The following IFT80 variants were observed in gnomAD, a reference collection of about 807,000 sequenced individuals.
IFT80 encodes the protein intraflagellar transport 80, also known as intraflagellar transport protein 80 homolog.
A neutral mutation model predicts 107.9 loss-of-function variants in IFT80; 79 were observed. The observed-to-expected ratio is 0.73, with a 90% CI of 0.61 to 0.88. The LOEUF (loss-of-function observed/expected upper bound fraction) is 0.88. Among genes scored for constraint, IFT80 ranks in the 40% least tolerant of loss-of-function variants. The pLI, the probability that IFT80 is intolerant of heterozygous loss-of-function variation, is 0.00. For synonymous variants in IFT80, 299 were observed against 300.9 expected (o/e 0.99, Z 0.07); for missense variants, 797 against 914.2 (o/e 0.87, Z 1.65).
intron 8 of IFT80, among the ~76,000 whole-genome samples, chr3:160,329,818 T>G (rs1214773138): frequency 2.1e-5 from 3 of 144,968 alleles, no homozygotes; most frequent in East Asian, 4.0e-4. Context: ...TAAATAAAAT[T>G]GTATGCTTTT....
chr3:160,334,813 T>C (rs1304782497), intron 8 of IFT80, among the ~76,000 whole-genome samples: 1 of 152,042 alleles, frequency 6.6e-6, no homozygotes, highest in Non-Finnish European at 1.5e-5. Context: ...AGCTTTTTTT[T>C]TTTTTTAAAG....
chr3:160,364,472 T>C (rs977325865), intron 6 of IFT80, among the ~76,000 whole-genome samples: 2 of 152,270 alleles, frequency 1.3e-5, no homozygotes, highest in Admixed American at 6.5e-5. Context: ...GAACTAGAAA[T>C]ACCATTTGAC....
chr3:160,283,822 GCAGGGCTTCCCC>G (rs1714883948), intron 13 of IFT80, among the ~76,000 whole-genome samples: 1 of 152,182 alleles, frequency 6.6e-6, no homozygotes, highest in East Asian at 1.9e-4. Context: ...ACTTCATTCA[GCAGGGCTTCCCC>G]CATTTTCCTC....
At chr3:160,395,852 G>T (rs1713733566) in intron 1 of IFT80, among the ~76,000 whole-genome samples, 1 of 152,048 alleles carries the variant, frequency 6.6e-6, no homozygotes, top group Admixed American at 6.6e-5. Flanking sequence ...AAGACAATTT[G>T]GATTGGGTTT....
intron 18 of IFT80, among the ~76,000 whole-genome samples, chr3:160,271,268 G>A (rs1004250767): frequency 1.3e-5 from 2 of 152,002 alleles, no homozygotes; most frequent in Non-Finnish European, 2.9e-5. Flanking sequence ...GTTTTAAAAT[G>A]GTTATTTGGC....
chr3:160,313,051 TA>T (rs546345968), intron 9 of IFT80, among the ~76,000 whole-genome samples: 3,550 of 98,608 alleles, frequency 0.036, 94 homozygotes, highest in Middle Eastern at 0.075. Flanking sequence ...TAATATATAA[TA>T]AATATAATAT....
intron 8 of IFT80, among the ~76,000 whole-genome samples, chr3:160,328,461 C>CAAA (rs1236379581): frequency 4.0e-4 from 19 of 47,550 alleles, no homozygotes; most frequent in Non-Finnish European, 5.6e-4. Flanking sequence ...GACTCCATCT[C>CAAA]AAAAAAAAAA....
At chr3:160,398,940 G>A (rs1233173502) in intron 1 of IFT80, among the ~76,000 whole-genome samples, 1 of 152,024 alleles carries the variant, frequency 6.6e-6, no homozygotes, top group Admixed American at 6.5e-5. Context: ...ACGAATCCAG[G>A]TCTTCCAGTT....
In IFT80 at chr3:160,319,798, T is replaced by G; in HGVS notation, c.919A>C (p.Asn307His). The change falls in exon 9 of 20, where the codon AAT becomes CAT. Residue 307 changes from asparagine (N) to histidine (H), a missense_variant. Transcript: ENST00000326448. ...CTTTTCGTTAATGTTACTTGAAAAT[T>G]TTTCCACTCCCAATGTTGTTCCACC... is the stretch of plus-strand genomic sequence containing the variant. ...HVVEQHWEWK[N>H]FQVTLTKRRA... 1.9e-6 allele frequency: 3 copies of G among 1,613,028 alleles called. No homozygotes were observed. Among genetic ancestry groups the G allele is most frequent in the Non-Finnish European group, 2.5e-6 (3 of 1,179,272 alleles).
intron 5 of IFT80, chr3:160,373,683 T>G (rs1711735561): frequency 5.8e-6 from 1 of 171,828 alleles, no homozygotes; most frequent in Non-Finnish European, 1.2e-5. Flanking sequence ...CTGGGGGTGA[T>G]GGGAGACAGT....
chr3:160,331,826 T>C (rs1719109724), intron 8 of IFT80, among the ~76,000 whole-genome samples: 1 of 151,954 alleles, frequency 6.6e-6, no homozygotes, highest in East Asian at 1.9e-4. Context: ...CATTGGGATT[T>C]TTATTTTTAT....
intron 9 of IFT80, 76 bp downstream of exon 9, chr3:160,319,684 A>G: frequency 1.7e-6 from 2 of 1,178,180 alleles, no homozygotes; most frequent in Non-Finnish European, 2.5e-6. Context: ...ATAATTAATG[A>G]AGATAATTCC....
At chr3:160,386,583 G>T (rs567232050) in intron 1 of IFT80, among the ~76,000 whole-genome samples, 1 of 152,232 alleles carries the variant, frequency 6.6e-6, no homozygotes, top group African/African-American at 2.4e-5. Context: ...TGAGGCTTGA[G>T]AGGAAAAAAT....
At chr3:160,268,789 C>G in intron 18 of IFT80, 1 of 442,796 alleles carries the variant, frequency 2.3e-6, no homozygotes, top group Non-Finnish European at 4.1e-6. Context: ...ATGCTTCATA[C>G]CATTTATATA....
intron 17 of IFT80, 25 bp downstream of exon 17, chr3:160,277,556 A>G (rs1245096703): frequency 1.9e-6 from 3 of 1,585,224 alleles, no homozygotes; most frequent in African/African-American, 2.7e-5. Flanking sequence ...ACACATGTAC[A>G]TATATGTAAA....
chr3:160,292,116 A>G (rs1248115610), intron 12 of IFT80, among the ~76,000 whole-genome samples: 2 of 152,248 alleles, frequency 1.3e-5, no homozygotes, highest in East Asian at 3.9e-4. Flanking sequence ...GGATGGCTAC[A>G]AAAGGGTCCT....
intron 8 of IFT80, among the ~76,000 whole-genome samples, chr3:160,328,461 C>CA (rs1236379581): frequency 0.35 from 16,424 of 46,280 alleles, 2,318 homozygotes; most frequent in African/African-American, 0.4. Flanking sequence ...GACTCCATCT[C>CA]AAAAAAAAAA....
intron 1 of IFT80, among the ~76,000 whole-genome samples, chr3:160,391,013 T>C (rs1413615821): frequency 6.6e-6 from 1 of 152,176 alleles, no homozygotes; most frequent in Non-Finnish European, 1.5e-5. Flanking sequence ...TTTCTAGAAA[T>C]TTCTGCATAG....
intron 18 of IFT80, among the ~76,000 whole-genome samples, chr3:160,275,393 A>G (rs1340101368): frequency 6.6e-6 from 1 of 152,134 alleles, no homozygotes; most frequent in Admixed American, 6.5e-5. Flanking sequence ...CATTGTTTAT[A>G]TTGTTTTTAC....
Sources: gnomAD v4.1 joint callset for allele counts (sites outside exome capture counted in the v4.1 genomes callset) on GRCh38, gnomAD v4.1.1 for gene constraint, MANE v1.5 for transcripts, NCBI Gene and HGNC (gene_info 2026-07-23, HGNC 2026-07-21) for gene names.